CIDEA: variants seen among roughly 807,000 people sequenced by gnomAD.
CIDEA encodes the protein cell death inducing DFFA like effector a, also known as lipid transferase CIDEA.
CIDEA carries 10 observed loss-of-function variants against 18.2 expected under a neutral mutation model. The observed-to-expected ratio is 0.55, with a 90% confidence interval of 0.34 to 0.93. The LOEUF is 0.93. Among genes scored for constraint, CIDEA ranks in the 40% least tolerant of loss-of-function variants. The pLI, the probability that CIDEA is intolerant of heterozygous loss-of-function variation, is 0.02. For missense variants in CIDEA, 309 were observed against 293.1 expected (o/e 1.05, Z -0.40); for synonymous variants, 128 against 124.8 (o/e 1.03, Z -0.17).
At chr18:12,272,878 A>C (rs1047198565) in intron 3 of CIDEA, among the ~76,000 whole-genome samples, 2 of 152,300 alleles carry the variant, frequency 1.3e-5, no homozygotes, top group South Asian at 2.1e-4. Context: ...CCAGCCTCCA[A>C]AAGTGCTGAG....
intron 1 of CIDEA, among the ~76,000 whole-genome samples, chr18:12,256,992 G>A (rs1273979732): frequency 1.3e-5 from 2 of 152,142 alleles, no homozygotes; most frequent in Admixed American, 1.3e-4. Context: ...AAGAGCCCTA[G>A]GGGAGCCGGG....
At chr18:12,268,915 T>C (rs1442479075) in intron 3 of CIDEA, among the ~76,000 whole-genome samples, 4 of 151,190 alleles carry the variant, frequency 2.6e-5, no homozygotes, top group Non-Finnish European at 1.5e-5. Flanking sequence ...AACCTCCACC[T>C]CCTGGGTTCA....
chr18:12,255,290 A>G (rs1297872460), intron 1 of CIDEA, among the ~76,000 whole-genome samples: 1 of 152,210 alleles, frequency 6.6e-6, no homozygotes, highest in Non-Finnish European at 1.5e-5. Flanking sequence ...GCAGGCGTTC[A>G]GCGGCGCCGG....
chr18:12,255,935 C>G (rs1912020276), intron 1 of CIDEA, among the ~76,000 whole-genome samples: 1 of 152,204 alleles, frequency 6.6e-6, no homozygotes, highest in South Asian at 2.1e-4. Flanking sequence ...TTGGCTCATC[C>G]CAGGAGTGAA....
intron 1 of CIDEA, chr18:12,254,937 C>A: frequency 8.1e-7 from 1 of 1,229,314 alleles, no homozygotes; most frequent in Non-Finnish European, 1.0e-6. Flanking sequence ...AGGCCCCAAC[C>A]GTCCGGCGGA....
intron 3 of CIDEA, among the ~76,000 whole-genome samples, chr18:12,267,879 C>A (rs1912395565): frequency 6.6e-6 from 1 of 152,066 alleles, no homozygotes; most frequent in Non-Finnish European, 1.5e-5. Flanking sequence ...TTGTTAATGT[C>A]TGAAGACATG....
chr18:12,275,692 G>A (rs2144090735), intron 4 of CIDEA, among the ~76,000 whole-genome samples: 1 of 152,228 alleles, frequency 6.6e-6, no homozygotes, highest in East Asian at 1.9e-4. Flanking sequence ...TCCTCTCAGA[G>A]GTCTCCTGGC....
chr18:12,257,114 C>T (rs761646870), intron 1 of CIDEA, among the ~76,000 whole-genome samples: 38 of 152,184 alleles, frequency 2.5e-4, no homozygotes, highest in Non-Finnish European at 5.4e-4. Flanking sequence ...GCCTGTGGAG[C>T]ACTTTCCCAG....
At chr18:12,258,689 C>A (rs80156850) in intron 1 of CIDEA, among the ~76,000 whole-genome samples, 4,775 of 152,324 alleles carry the variant, frequency 0.031, 262 homozygotes, top group African/African-American at 0.11. Flanking sequence ...GGATTCAGAC[C>A]CTGGTCTAGC....
chr18:12,272,410 G>T lies in CIDEA; in HGVS notation c.331-1683G>T, dbSNP rs138706616. 9.7e-3 allele frequency among the ~76,000 whole-genome samples: 1,476 copies of T among 152,022 alleles called. 25 individuals carry two copies. The highest frequency in any genetic ancestry group is 0.034 in the African/African-American group (1,391 of 41,454). ...GTATTTTTAGTAGAGACAGGGTTTC[G>T]CCATGTTGGCCAGGCTGATCTCAAA... is the stretch of plus-strand genomic sequence containing the variant. On this transcript the variant is annotated intron_variant, in intron 3 of 4. Coordinates refer to ENST00000320477, the MANE Select transcript of CIDEA (RefSeq NM_001279.4).
chr18:12,274,063 T>C, intron 3 of CIDEA, 30 bp from the exon 4 acceptor site: 1 of 1,612,536 alleles, frequency 6.2e-7, no homozygotes. Flanking sequence ...GGAAGGCTCC[T>C]GAAGCCTGCC....
intron 4 of CIDEA, among the ~76,000 whole-genome samples, chr18:12,274,614 C>T (rs1444362639): frequency 6.6e-6 from 1 of 152,176 alleles, no homozygotes; most frequent in Non-Finnish European, 1.5e-5. Flanking sequence ...AGGTCGTGGC[C>T]GGGTTTGTAC....
intron 1 of CIDEA, chr18:12,254,765 C>T (rs1178759466): frequency 7.2e-7 from 1 of 1,390,746 alleles, no homozygotes; most frequent in Non-Finnish European, 9.6e-7. Flanking sequence ...CTGCTGCAGT[C>T]GCGGGCGCAG....
intron 3 of CIDEA, among the ~76,000 whole-genome samples, chr18:12,268,878 T>C (rs955820282): frequency 1.3e-5 from 2 of 151,446 alleles, no homozygotes; most frequent in East Asian, 3.9e-4. Context: ...CAGGCTGGAG[T>C]GCAGTGGCGT....
chr18:12,262,463 T>C (rs1193107897), intron 1 of CIDEA, among the ~76,000 whole-genome samples: 1 of 152,246 alleles, frequency 6.6e-6, no homozygotes, highest in Non-Finnish European at 1.5e-5. Context: ...GCGTAACTAC[T>C]TCATGGCCAC....
At chr18:12,256,519 A>G (rs1912039370) in intron 1 of CIDEA, among the ~76,000 whole-genome samples, 3 of 152,250 alleles carry the variant, frequency 2.0e-5, no homozygotes, top group African/African-American at 7.2e-5. Context: ...AAGGAGGTCC[A>G]CATGCAGGTT....
intron 1 of CIDEA, among the ~76,000 whole-genome samples, chr18:12,258,331 G>A (rs1308520021): frequency 6.6e-6 from 1 of 152,236 alleles, no homozygotes; most frequent in Non-Finnish European, 1.5e-5. Context: ...TTACGAAGGC[G>A]TGAGCATGTT....
At chr18:12,266,239 CAAAA>C (rs1003655151) in intron 3 of CIDEA, among the ~76,000 whole-genome samples, 1 of 151,404 alleles carries the variant, frequency 6.6e-6, no homozygotes, top group African/African-American at 2.4e-5. Flanking sequence ...TCAAAAAAAA[CAAAA>C]AATAAGAAAA....
chr18:12,274,912 C>CTG (rs1427130274), intron 4 of CIDEA, among the ~76,000 whole-genome samples: 1 of 152,250 alleles, frequency 6.6e-6, no homozygotes, highest in Non-Finnish European at 1.5e-5. Flanking sequence ...CTGGGTGCCA[C>CTG]CCCTGCCATT....
Sources: gnomAD v4.1 joint callset for allele counts (sites outside exome capture counted in the v4.1 genomes callset) on GRCh38, gnomAD v4.1.1 for gene constraint, MANE v1.5 for transcripts, NCBI Gene and HGNC (gene_info 2026-07-23, HGNC 2026-07-21) for gene names.